The following SMOC1 variants were observed in gnomAD, a reference collection of about 807,000 sequenced individuals.
SMOC1 encodes SPARC-related modular calcium-binding protein 1.
In SMOC1, 22 loss-of-function variants were observed where a neutral mutation model predicts 56.3. The ratio of observed to expected loss-of-function variants is 0.39; its 90% CI spans 0.28 to 0.56. The LOEUF is 0.56. Ranked by LOEUF, SMOC1 falls within the 20% of genes least tolerant of loss-of-function variation. The pLI is 0.61. For missense variants in SMOC1, 509 were observed against 565.4 expected (o/e 0.90, Z 1.01); for synonymous variants, 193 against 215.0 (o/e 0.90, Z 0.89).
intron 1 of SMOC1, among the ~76,000 whole-genome samples, chr14:69,913,828 C>G (rs1247212019): frequency 6.6e-6 from 1 of 152,192 alleles, no homozygotes; most frequent in African/African-American, 2.4e-5. Context: ...TTTTAAGAGT[C>G]CTAGGAATGA....
chr14:69,894,925 T>A (rs1884055805), intron 1 of SMOC1, among the ~76,000 whole-genome samples: 1 of 152,218 alleles, frequency 6.6e-6, no homozygotes, highest in Non-Finnish European at 1.5e-5. Flanking sequence ...TTCCCATAGA[T>A]ACCTACATTT....
intron 7 of SMOC1, among the ~76,000 whole-genome samples, chr14:69,997,883 T>C (rs1884824906): frequency 6.6e-6 from 1 of 152,152 alleles, no homozygotes; most frequent in Non-Finnish European, 1.5e-5. Flanking sequence ...GAGGTTGCCA[T>C]GGGACTCCGT....
At chr14:69,931,453 T>C (rs562067828) in intron 1 of SMOC1, among the ~76,000 whole-genome samples, 29 of 152,372 alleles carry the variant, frequency 1.9e-4, no homozygotes, top group African/African-American at 6.3e-4. Context: ...GTTGGTCTTT[T>C]CTCTTGACCC....
intron 1 of SMOC1, among the ~76,000 whole-genome samples, chr14:69,916,510 G>A (rs534685241): frequency 6.6e-6 from 1 of 152,338 alleles, no homozygotes; most frequent in South Asian, 2.1e-4. Flanking sequence ...CAGGCCCCAT[G>A]TAATTTTCTC....
intron 5 of SMOC1, among the ~76,000 whole-genome samples, chr14:69,990,494 G>A (rs575889962): frequency 4.4e-4 from 67 of 152,312 alleles, no homozygotes; most frequent in African/African-American, 1.5e-3. Context: ...ACACTGTGCT[G>A]GACTATTTAG....
rs374646412 is a variant in SMOC1, at chr14:69,902,376, A to G, written c.99+22599A>G. 5.3e-5 allele frequency among the ~76,000 whole-genome samples: 8 copies of G among 152,342 alleles called. No homozygotes were observed. In the South Asian group the frequency reaches 1.7e-3, roughly 32 times the overall value. On this transcript the variant is annotated intron_variant, in intron 1 of 11. Coordinates refer to ENST00000361956, the MANE Select transcript of SMOC1 (RefSeq NM_001034852.3). ...ATGAGCCAGTAGCTTCCTACGGTAG[A>G]TTAAATATAGCCACAGTTTCTTTGT... is the stretch of plus-strand genomic sequence containing the variant.
chr14:70,020,306 T>C (rs1364172244), intron 10 of SMOC1, among the ~76,000 whole-genome samples: 1 of 152,196 alleles, frequency 6.6e-6, no homozygotes, highest in Non-Finnish European at 1.5e-5. Flanking sequence ...CCTCATGGAC[T>C]CAAAGCTGAA....
intron 1 of SMOC1, among the ~76,000 whole-genome samples, chr14:69,927,582 G>T (rs983284557): frequency 5.9e-5 from 9 of 152,090 alleles, no homozygotes; most frequent in African/African-American, 2.2e-4. Flanking sequence ...AGGCTGAGGT[G>T]GGAGGATTGC....
At chr14:69,943,038 G>A (rs191576314) in intron 1 of SMOC1, among the ~76,000 whole-genome samples, 3 of 152,228 alleles carry the variant, frequency 2.0e-5, no homozygotes, top group East Asian at 1.9e-4. Context: ...GAGGGAAGTC[G>A]GGTGGGTGGG....
At chr14:69,927,217 G>A (rs905654361) in intron 1 of SMOC1, among the ~76,000 whole-genome samples, 6 of 152,264 alleles carry the variant, frequency 3.9e-5, no homozygotes, top group African/African-American at 1.4e-4. Context: ...AGTTGTTGCA[G>A]CATGCAAGGA....
At chr14:69,938,450 C>T (rs1258907497) in intron 1 of SMOC1, among the ~76,000 whole-genome samples, 2 of 152,032 alleles carry the variant, frequency 1.3e-5, no homozygotes, top group African/African-American at 2.4e-5. Context: ...CGTGTAGTGG[C>T]GTCGTGAGGG....
At chr14:70,000,589 TG>T (rs1884932377) in intron 7 of SMOC1, among the ~76,000 whole-genome samples, 1 of 152,156 alleles carries the variant, frequency 6.6e-6, no homozygotes, top group Non-Finnish European at 1.5e-5. Flanking sequence ...AGTGATGCCT[TG>T]GGGGAAAAGT....
At chr14:69,972,421 C>T (rs1883795128) in intron 3 of SMOC1, among the ~76,000 whole-genome samples, 1 of 152,032 alleles carries the variant, frequency 6.6e-6, no homozygotes, top group Non-Finnish European at 1.5e-5. Context: ...TGGCTGTCCC[C>T]ACACCTGCGG....
intron 10 of SMOC1, among the ~76,000 whole-genome samples, chr14:70,015,226 T>C (rs1265538499): frequency 1.3e-5 from 2 of 152,148 alleles, no homozygotes; most frequent in Non-Finnish European, 2.9e-5. Context: ...GTACATGAGG[T>C]ACCTGAAACA....
At chr14:70,025,858 A>T (rs893036093) in intron 11 of SMOC1, among the ~76,000 whole-genome samples, 1 of 152,224 alleles carries the variant, frequency 6.6e-6, no homozygotes, top group African/African-American at 2.4e-5. Flanking sequence ...GCTAGAGTCT[A>T]TCTCATAGGA....
chr14:70,014,073 G>A (rs549587497), intron 10 of SMOC1, among the ~76,000 whole-genome samples: 3 of 152,346 alleles, frequency 2.0e-5, no homozygotes, highest in East Asian at 1.9e-4. Flanking sequence ...GCACTCATGA[G>A]TTTGGGCCCA....
intron 3 of SMOC1, among the ~76,000 whole-genome samples, chr14:69,968,227 T>C (rs1017681252): frequency 1.3e-5 from 2 of 152,182 alleles, no homozygotes; most frequent in Non-Finnish European, 2.9e-5. Context: ...GCTCATGAAG[T>C]GTGGTCCCTG....
chr14:69,882,697 G>A lies in SMOC1; in HGVS notation c.99+2920G>A, dbSNP rs183200298. 2.4e-3 allele frequency among the ~76,000 whole-genome samples: 361 copies of A among 152,280 alleles called. 4 individuals are homozygous for A. Among genetic ancestry groups the A allele is most frequent in the Non-Finnish European group, 4.6e-3 (310 of 68,012 alleles). ...TCTCCCTGGCTGATGGTGTCTGGCC[G>A]ATGGTCAAGCCAACTGCCTGTCTTT... On this transcript the variant is annotated intron_variant, in intron 1 of 11. Transcript: ENST00000361956.
At chr14:69,958,939 A>T (rs1473091811) in intron 3 of SMOC1, among the ~76,000 whole-genome samples, 1 of 152,204 alleles carries the variant, frequency 6.6e-6, no homozygotes, top group Admixed American at 6.5e-5. Context: ...AAGATGATAA[A>T]TATTTTCATT....
Sources: allele counts gnomAD v4.1 joint callset (sites outside exome capture counted in the v4.1 genomes callset), GRCh38; gene constraint gnomAD v4.1.1; transcripts MANE v1.5; gene names NCBI Gene and HGNC (gene_info 2026-07-23, HGNC 2026-07-21).